Variants in NEK3 observed in about 807,000 individuals in gnomAD.
The protein encoded by NEK3 is NIMA related kinase 3, also known as serine/threonine-protein kinase Nek3.
In NEK3, 54 loss-of-function variants were observed where a neutral mutation model predicts 66.0. The observed-to-expected ratio is 0.82, with a 90% confidence interval of 0.66 to 1.03. NEK3 has a LOEUF of 1.03. NEK3 is among the 50% of genes least tolerant of loss of function. The pLI, the probability that NEK3 is intolerant of heterozygous loss-of-function variation, is 0.00. For missense variants in NEK3, 593 were observed against 603.0 expected (o/e 0.98, Z 0.17); for synonymous variants, 200 against 206.2 (o/e 0.97, Z 0.26).
intron 2 of NEK3, among the ~76,000 whole-genome samples, chr13:52,155,247 A>T (rs992927283): frequency 1.6e-4 from 24 of 152,288 alleles, no homozygotes; most frequent in African/African-American, 5.5e-4. Flanking sequence ...ATGTATTTTT[A>T]AAAAATTGAT....
chr13:52,149,779 G>C (rs1349848771), intron 7 of NEK3, among the ~76,000 whole-genome samples: 2 of 151,224 alleles, frequency 1.3e-5, no homozygotes, highest in Non-Finnish European at 2.9e-5. Flanking sequence ...TGAGGCAGGA[G>C]AATCACTTGA....
chr13:52,144,793 G>C lies in NEK3; in HGVS notation c.702C>G (p.Val234=), dbSNP rs1163369139. 1.9e-6 allele frequency: 3 copies of C among 1,613,306 alleles called. No individual in the cohort carries two copies. The highest frequency in any genetic ancestry group is 2.5e-6 in the Non-Finnish European group (3 of 1,179,560). Residue 234 remains valine, a synonymous_variant, in exon 9 of 16, where the codon GTC becomes GTG. Transcript: ENST00000610828. ...SHYSYELQFL[V]KQMFKRNPSH... is the part of the protein sequence containing the mutation. The stretch of plus-strand genomic sequence containing the variant: ...AGGGATTCCTTTTAAACATCTGCTT[G>C]ACTAGGAACTGAAGTTCATAGGAGT...
rs1956394799 is a variant in NEK3 at position 52,156,192 on chromosome 13, G to A, written c.-1C>T. ...TTCTCAGGACCATGTAGTCATCCAT[G>A]CTGGGGCATCCACACAGCTGGGCTC... On this transcript the variant is annotated 5_prime_UTR_variant, in exon 2 of 16. Coordinates refer to ENST00000610828, the MANE Select transcript of NEK3 (RefSeq NM_002498.3). The A allele has an allele frequency of 6.3e-7, 1 of 1,577,374 alleles. No homozygotes were observed. The highest frequency in any genetic ancestry group is 2.3e-5 in the East Asian group (1 of 43,904).
At chr13:52,136,699 T>A in intron 12 of NEK3, 101 bp downstream of exon 12, 1 of 625,294 alleles carries the variant, frequency 1.6e-6, no homozygotes. Flanking sequence ...CAAACAAATA[T>A]CAGCTTGTAC....
At chr13:52,157,298 A>T (rs772165568) in intron 1 of NEK3, 3 of 152,246 alleles carry the variant, frequency 2.0e-5, no homozygotes, top group Non-Finnish European at 4.4e-5. Context: ...GCAGGAAAAT[A>T]ATGAAATGGA....
At chr13:52,148,592 T>C in intron 7 of NEK3, 123 bp from the exon 8 acceptor site, 1 of 807,732 alleles carries the variant, frequency 1.2e-6, no homozygotes. Context: ...AAACATATAA[T>C]GTTGGTCTAA....
At chr13:52,137,864 C>T (rs1425404237) in intron 11 of NEK3, among the ~76,000 whole-genome samples, 4 of 152,230 alleles carry the variant, frequency 2.6e-5, no homozygotes, top group Non-Finnish European at 4.4e-5. Context: ...GTCCTCCATT[C>T]CCTGACTGAC....
chr13:52,144,898 A>G lies in NEK3; in HGVS notation c.604-7T>C. On this transcript the variant is annotated splice_region_variant and splice_polypyrimidine_tract_variant and intron_variant, in intron 8 of 15. Transcript: ENST00000610828. ...TCCAACTATTTGCCTGAAACTGAAA[A>G]GGAAAATTGAACTTTACAAGCAGAT... 2 of 1,582,570 alleles carry G rather than the reference A, an allele frequency of 1.3e-6. No homozygotes were observed. Among genetic ancestry groups the G allele is most frequent in the South Asian group, 2.3e-5 (2 of 87,034 alleles).
Position 52,143,934 on chromosome 13 carries a change from A to T in NEK3, c.858T>A (p.His286Gln), listed in dbSNP as rs1332386209. The T allele has an allele frequency of 2.0e-6, 3 of 1,494,594 alleles. No individual in the cohort carries two copies. Among genetic ancestry groups the T allele is most frequent in the Non-Finnish European group, 2.7e-6 (3 of 1,100,282 alleles). 92.6% of individuals were successfully genotyped at this position (1,494,594 alleles called of 1,614,324 possible). A position where few individuals can be genotyped will look rare whatever the true frequency, so the allele number is the denominator to read the frequency against. Reference sequence around the variant, plus strand: ...TCTTACTTTTTTTTCTTGGTGTGTTATGCTTCGAATTTTTTATTTCTTCTA... The same window carrying T: ...TCTTACTTTTTTTTCTTGGTGTGTTTTGCTTCGAATTTTTTATTTCTTCTA... ...EVLEEIKNSK[H>Q]NTPRKKTNPS... The change falls in exon 10 of 16, where the codon CAT becomes CAA. Residue 286 changes from histidine (H) to glutamine (Q), a missense_variant. By Grantham distance (24) the His-to-Gln change is conservative. Coordinates refer to ENST00000610828, the MANE Select transcript of NEK3 (RefSeq NM_002498.3).
At chr13:52,151,891 T>C (rs1956349952) in intron 5 of NEK3, among the ~76,000 whole-genome samples, 1 of 152,252 alleles carries the variant, frequency 6.6e-6, no homozygotes, top group Non-Finnish European at 1.5e-5. Flanking sequence ...CTTACCATTG[T>C]ATTCCAATTG....
At position 52,151,164 on chromosome 13, in the gene NEK3, A is replaced by G. The variant is rs1566859806; in HGVS notation, c.530T>C (p.Leu177Pro). The G allele has an allele frequency of 1.2e-6, 2 of 1,609,000 alleles. No individual in the cohort carries two copies. The highest frequency in any genetic ancestry group is 2.7e-5 in the African/African-American group (2 of 74,994). Residue 177 changes from leucine to proline, a missense_variant, in exon 7 of 16, where the codon CTG (leucine) becomes CCG (proline). Physicochemically the swap from Leu to Pro is moderately conservative, Grantham distance 98. Transcript: ENST00000610828. The part of the protein sequence containing the change: ...YYVPPEIWEN[L>P]PYNNKSDIWS... ...CACTCACCTTTTATTGTTATAAGGC[A>G]GGTTTTCCCAAATTTCTGGAGGCAC...
At chr13:52,147,944 T>A (rs1016139685) in intron 8 of NEK3, among the ~76,000 whole-genome samples, 4 of 152,072 alleles carry the variant, frequency 2.6e-5, no homozygotes, top group African/African-American at 9.7e-5. Flanking sequence ...TGCAGTGAGC[T>A]GAGATTGCAC....
At chr13:52,157,074 T>A (rs974780786) in intron 1 of NEK3, 1 of 152,238 alleles carries the variant, frequency 6.6e-6, no homozygotes, top group African/African-American at 2.4e-5. Flanking sequence ...GGAAATTGCA[T>A]ATTTAAGAGC....
intron 11 of NEK3, among the ~76,000 whole-genome samples, chr13:52,140,369 G>A (rs879528961): frequency 2.6e-5 from 4 of 152,144 alleles, no homozygotes; most frequent in African/African-American, 9.7e-5. Context: ...AGCACTTTGG[G>A]AGGCTGAGAT....
At chr13:52,135,047 T>C (rs1279078274) in intron 14 of NEK3, among the ~76,000 whole-genome samples, 2 of 152,188 alleles carry the variant, frequency 1.3e-5, no homozygotes, top group Non-Finnish European at 2.9e-5. Context: ...GTATAATCTA[T>C]CTTAGATCTT....
intron 10 of NEK3, among the ~76,000 whole-genome samples, chr13:52,141,607 G>T (rs143597542): frequency 2.0e-4 from 31 of 152,198 alleles, no homozygotes; most frequent in Middle Eastern, 6.8e-3. Context: ...AATTGCTATT[G>T]AACATGGATG....
intron 7 of NEK3, 74 bp from the exon 8 acceptor site, chr13:52,148,543 T>C: frequency 7.8e-7 from 1 of 1,280,756 alleles, no homozygotes; most frequent in Non-Finnish European, 1.1e-6. Context: ...TTTCTTACCT[T>C]TAATAAGAAT....
chr13:52,143,115 G>A (rs962399982), intron 10 of NEK3, among the ~76,000 whole-genome samples: 2 of 152,026 alleles, frequency 1.3e-5, no homozygotes, highest in Non-Finnish European at 2.9e-5. Flanking sequence ...TCAGGAGTTC[G>A]AGACCAGCCT....
intron 5 of NEK3, among the ~76,000 whole-genome samples, chr13:52,151,610 T>C (rs958565566): frequency 6.6e-6 from 1 of 152,154 alleles, no homozygotes; most frequent in Non-Finnish European, 1.5e-5. Context: ...ACAAGCAAGT[T>C]TTAGGTTGTA....
Sources: allele counts gnomAD v4.1 joint callset (sites outside exome capture counted in the v4.1 genomes callset), GRCh38; gene constraint gnomAD v4.1.1; transcripts MANE v1.5; gene names NCBI Gene and HGNC (gene_info 2026-07-23, HGNC 2026-07-21).